CDYL2: variants seen among roughly 807,000 people sequenced by gnomAD.
CDYL2 encodes the protein chromodomain Y-like protein 2.
Under a neutral mutation model 49.4 loss-of-function variants are expected in CDYL2, and 23 were observed. The ratio of observed to expected loss-of-function variants is 0.47; its 90% CI spans 0.34 to 0.66. The LOEUF is 0.66. Among genes scored for constraint, CDYL2 ranks in the 30% least tolerant of loss-of-function variants. The pLI, the probability that CDYL2 is intolerant of heterozygous loss-of-function variation, is 0.01. For synonymous variants in CDYL2, 360 were observed against 268.8 expected, an observed-to-expected ratio of 1.34 and a Z score of -3.32; for missense variants, 678 against 656.4, an observed-to-expected ratio of 1.03 and a Z score of -0.36.
rs113142691 is a variant in CDYL2 at position 80,687,562 on chromosome 16, C to A, written c.25-2433G>T. 1.1e-4 allele frequency among the ~76,000 whole-genome samples: 16 copies of A among 151,716 alleles called. 1 individual carries two copies. The highest frequency in any genetic ancestry group is 3.9e-4 in the East Asian group (2 of 5,154). Reference sequence around the variant, plus strand: ...AATGAATAGATGGATGGATGGCTGGCTGGCTGGCTGGATGGATGGATGGAC... The same window carrying A: ...AATGAATAGATGGATGGATGGCTGGATGGCTGGCTGGATGGATGGATGGAC... On this transcript the variant is annotated intron_variant, in intron 1 of 6. Coordinates refer to ENST00000570137, the MANE Select transcript of CDYL2 (RefSeq NM_152342.4).
chr16:80,637,324 T>G (rs1167502728), intron 2 of CDYL2, among the ~76,000 whole-genome samples: 1 of 152,200 alleles, frequency 6.6e-6, no homozygotes, highest in East Asian at 1.9e-4. Flanking sequence ...GAGAAATGGA[T>G]GCTTTGCCCT....
In CDYL2 at chr16:80,759,150, A is replaced by ATATAT. The variant is rs1211358459; in HGVS notation, c.24+44999_24+45000insATATA. ...TATATATATATATATGGTTTATATAAATATATGGTTTATATATATATATAT... is the reference window on the plus strand; with the variant it reads ...TATATATATATATATGGTTTATATAATATATATATATGGTTTATATATATATATAT... On this transcript the variant is annotated intron_variant, in intron 1 of 6. Transcript: ENST00000570137. Among the ~76,000 whole-genome samples the ATATAT allele has an allele frequency of 9.5e-3, 765 of 80,592 alleles. 16 individuals are homozygous for ATATAT. Among genetic ancestry groups the ATATAT allele is most frequent in the African/African-American group, 0.015 (303 of 20,044 alleles). 52.9% of individuals were successfully genotyped at this position (80,592 alleles called of 152,430 possible).
chr16:80,633,339 G>T (rs1597137063), intron 2 of CDYL2, 103 bp from the exon 3 acceptor site: 4 of 1,162,842 alleles, frequency 3.4e-6, no homozygotes, highest in Non-Finnish European at 3.7e-6. Flanking sequence ...GTTTGGATGT[G>T]CTGGGACACA....
intron 1 of CDYL2, among the ~76,000 whole-genome samples, chr16:80,800,028 T>A (rs1274343583): frequency 3.3e-5 from 5 of 152,322 alleles, no homozygotes; most frequent in Admixed American, 6.5e-5. Flanking sequence ...TCATATGCAG[T>A]TTTTCCTAGC....
At chr16:80,633,742 G>A (rs1391929635) in intron 2 of CDYL2, among the ~76,000 whole-genome samples, 7 of 152,200 alleles carry the variant, frequency 4.6e-5, no homozygotes, top group Admixed American at 4.6e-4. Flanking sequence ...CTCAGGCGCT[G>A]CCTTGAGATG....
At chr16:80,641,602 A>G (rs534324027) in intron 2 of CDYL2, among the ~76,000 whole-genome samples, 185 of 152,238 alleles carry the variant, frequency 1.2e-3, no homozygotes, top group Non-Finnish European at 1.7e-3. Context: ...TCGTAGGGAC[A>G]TGCATGAAAC....
intron 1 of CDYL2, among the ~76,000 whole-genome samples, chr16:80,725,266 G>A (rs1437022066): frequency 1.3e-5 from 2 of 152,088 alleles, no homozygotes; most frequent in African/African-American, 2.4e-5. Context: ...CTAGTTTAAT[G>A]TCACTTCCTT....
intron 1 of CDYL2, among the ~76,000 whole-genome samples, chr16:80,744,999 C>A (rs2142556175): frequency 6.6e-6 from 1 of 152,304 alleles, no homozygotes; most frequent in South Asian, 2.1e-4. Context: ...ATGTGAAAAA[C>A]CCCTGACCTA....
At chr16:80,643,119 G>A (rs1222054164) in intron 2 of CDYL2, among the ~76,000 whole-genome samples, 1 of 152,114 alleles carries the variant, frequency 6.6e-6, no homozygotes, top group Non-Finnish European at 1.5e-5. Context: ...ACAGGTATTG[G>A]GTAAATACAG....
chr16:80,741,188 GA>G lies in CDYL2; in HGVS notation c.25-56060del, dbSNP rs539689244. On this transcript the variant is annotated intron_variant, in intron 1 of 6. Coordinates refer to ENST00000570137, the MANE Select transcript of CDYL2 (RefSeq NM_152342.4). ...TATATATATAACATGTACTATATAA[GA>G]TGTGTGTATAAGAATTTTATATATA... 4.4e-3 allele frequency among the ~76,000 whole-genome samples: 653 copies of G among 150,032 alleles called. 5 individuals are homozygous for G. Among genetic ancestry groups the G allele is most frequent in the African/African-American group, 0.015 (629 of 41,230 alleles).
At chr16:80,688,321 G>A (rs1409910082) in intron 1 of CDYL2, among the ~76,000 whole-genome samples, 1 of 152,160 alleles carries the variant, frequency 6.6e-6, no homozygotes, top group East Asian at 1.9e-4. Flanking sequence ...GGTATGTGGA[G>A]GAAGACACCT....
chr16:80,670,318 G>C (rs984530650), intron 2 of CDYL2, among the ~76,000 whole-genome samples: 9 of 152,084 alleles, frequency 5.9e-5, no homozygotes, highest in Admixed American at 2.6e-4. Context: ...TGCTGTTCTT[G>C]TGATACTGAA....
chr16:80,717,649 A>G (rs1904856582), intron 1 of CDYL2, among the ~76,000 whole-genome samples: 1 of 152,258 alleles, frequency 6.6e-6, no homozygotes, highest in East Asian at 1.9e-4. Flanking sequence ...GGCAACAAGT[A>G]TTCATGAGAT....
intron 2 of CDYL2, among the ~76,000 whole-genome samples, chr16:80,661,548 G>T (rs867818160): frequency 4.6e-5 from 7 of 152,112 alleles, no homozygotes; most frequent in Non-Finnish European, 8.8e-5. Flanking sequence ...CCATGCCACT[G>T]GGAAGTGCCA....
At chr16:80,663,951 T>C (rs992487454) in intron 2 of CDYL2, among the ~76,000 whole-genome samples, 2 of 152,218 alleles carry the variant, frequency 1.3e-5, no homozygotes, top group Non-Finnish European at 1.5e-5. Flanking sequence ...ACTAACCTGA[T>C]TAAAAGGAAC....
intron 1 of CDYL2, among the ~76,000 whole-genome samples, chr16:80,716,928 C>T (rs1045714271): frequency 7.0e-6 from 1 of 143,760 alleles, no homozygotes; most frequent in Non-Finnish European, 1.5e-5. Context: ...GATGGATAGA[C>T]AGATGAATGG....
chr16:80,663,291 G>A (rs7195009), intron 2 of CDYL2, among the ~76,000 whole-genome samples: 2,938 of 151,536 alleles, frequency 0.019, 71 homozygotes, highest in African/African-American at 0.048. Context: ...GTGAGGTGGA[G>A]GGGAGAGTTA....
intron 4 of CDYL2, among the ~76,000 whole-genome samples, chr16:80,615,627 T>C (rs1291080010): frequency 1.3e-5 from 2 of 152,178 alleles, no homozygotes; most frequent in African/African-American, 2.4e-5. Context: ...CCTTCAGGAA[T>C]GGACTGCAGC....
rs116163000 is a variant in CDYL2, at chr16:80,680,184, C to T, written c.616+4354G>A. Among the ~76,000 whole-genome samples, 1,083 of 152,172 alleles carry T rather than the reference C, an allele frequency of 7.1e-3. 12 individuals carry two copies. The highest frequency in any genetic ancestry group is 0.024 in the African/African-American group (1,012 of 41,502). On this transcript the variant is annotated intron_variant, in intron 2 of 6. Transcript: ENST00000570137. ...AATGGAGAGAAAATGGCAAATGTTGCGTGTGTGTGTTGTGTGGAATGACTC... is the reference window on the plus strand; with the variant it reads ...AATGGAGAGAAAATGGCAAATGTTGTGTGTGTGTGTTGTGTGGAATGACTC...
Sources: gnomAD v4.1 joint callset for allele counts (sites outside exome capture counted in the v4.1 genomes callset) on GRCh38, gnomAD v4.1.1 for gene constraint, MANE v1.5 for transcripts, NCBI Gene and HGNC (gene_info 2026-07-23, HGNC 2026-07-21) for gene names.